Variants in MAST4 observed in about 807,000 individuals in gnomAD.
MAST4 encodes the protein microtubule associated serine/threonine kinase family member 4.
In MAST4, 89 loss-of-function variants were observed where a neutral mutation model predicts 162.7. The observed-to-expected ratio is 0.55, with a 90% CI of 0.46 to 0.65. The LOEUF is 0.65. Among genes scored for constraint, MAST4 ranks in the 30% least tolerant of loss-of-function variants. MAST4 has a pLI of 0.00. For missense variants in MAST4, 3,153 were observed against 3,374.0 expected (o/e 0.93, Z 1.62); for synonymous variants, 1,479 against 1,361.1 (o/e 1.09, Z -1.91).
chr5:66,761,115 T>C (rs1015845199), intron 2 of MAST4, among the ~76,000 whole-genome samples: 1 of 152,222 alleles, frequency 6.6e-6, no homozygotes, highest in Non-Finnish European at 1.5e-5. Context: ...TTTTCAGTGT[T>C]ACATAGATGT....
At chr5:66,934,361 T>A (rs1290722977) in intron 4 of MAST4, among the ~76,000 whole-genome samples, 1 of 152,152 alleles carries the variant, frequency 6.6e-6, no homozygotes, top group Non-Finnish European at 1.5e-5. Context: ...CTCACTTCAT[T>A]TGTGTATTAG....
rs749201523 is a variant in MAST4, at chr5:66,766,328, C to CTA, written c.517+6474_517+6475dup. Among the ~76,000 whole-genome samples, 15 of 152,152 alleles carry CTA rather than the reference C, an allele frequency of 9.9e-5. No individual in the cohort carries two copies. In the East Asian group the frequency reaches 2.5e-3, roughly 25 times the overall value. On this transcript the variant is annotated intron_variant, in intron 2 of 28. Coordinates refer to ENST00000403625, the MANE Select transcript of MAST4 (RefSeq NM_001164664.2). Reference sequence around the variant, plus strand: ...TGGAATGTAAAAGAAAGACAAAAATCTATATATATGTGTATAACATGCACA... The same window carrying CTA: ...TGGAATGTAAAAGAAAGACAAAAATCTATATATATATGTGTATAACATGCACA...
At chr5:67,011,382 T>A (rs961832783) in intron 4 of MAST4, among the ~76,000 whole-genome samples, 1 of 152,204 alleles carries the variant, frequency 6.6e-6, no homozygotes, top group Admixed American at 6.5e-5. Context: ...GCCTGTTTCG[T>A]AGTTGCTTCC....
intron 1 of MAST4, among the ~76,000 whole-genome samples, chr5:66,756,471 T>C (rs969643579): frequency 2.0e-5 from 3 of 152,132 alleles, no homozygotes; most frequent in African/African-American, 7.2e-5. Context: ...TCAGTGAAAG[T>C]TTCAAGACAG....
chr5:66,767,170 CGTGTGTGTGTGTGT>C (rs60766673), intron 2 of MAST4, among the ~76,000 whole-genome samples: 144 of 139,560 alleles, frequency 1.0e-3, no homozygotes, highest in Non-Finnish European at 1.7e-3. Flanking sequence ...GTAAAGTGCA[CGTGTGTGTGTGTGT>C]GTGTGTGTGT....
chr5:67,038,732 T>G (rs1422672772), intron 4 of MAST4, among the ~76,000 whole-genome samples: 1 of 152,226 alleles, frequency 6.6e-6, no homozygotes, highest in Admixed American at 6.5e-5. Flanking sequence ...CATGTGATTT[T>G]TTTTAAAAAA....
At chr5:66,822,880 T>C (rs945840531) in intron 3 of MAST4, among the ~76,000 whole-genome samples, 1 of 152,202 alleles carries the variant, frequency 6.6e-6, no homozygotes. Context: ...GCCCAAACTC[T>C]GGAGTCAACC....
intron 4 of MAST4, among the ~76,000 whole-genome samples, chr5:66,948,666 A>C (rs1433317750): frequency 6.6e-6 from 1 of 152,090 alleles, no homozygotes; most frequent in Non-Finnish European, 1.5e-5. Flanking sequence ...TGAGTAAAAC[A>C]TGGCAAGCTG....
At chr5:66,732,169 C>A (rs747548223) in intron 1 of MAST4, among the ~76,000 whole-genome samples, 1 of 152,038 alleles carries the variant, frequency 6.6e-6, no homozygotes, top group African/African-American at 2.4e-5. Context: ...TTTACAATGT[C>A]CGGTTTCCTA....
In MAST4 at chr5:67,165,020, C is replaced by T. The variant is rs138428386; in HGVS notation, c.5841C>T (p.Ser1947=). The T allele has an allele frequency of 1.4e-3, 2,273 of 1,613,182 alleles. 4 individuals are homozygous for T. Among genetic ancestry groups the T allele is most frequent in the Admixed American group, 1.8e-3 (108 of 59,898 alleles). Residue 1947 remains serine, a synonymous_variant, in exon 29 of 29, where the codon AGC becomes AGT. Transcript: ENST00000403625. ...CCTGCCTGGGGCAGAACCTCCACAG[C>T]CCTGACCTGGCCAGGCCACGCTGCC... ...LLTCLGQNLH[S]PDLARPRCPL... is the part of the protein sequence containing the mutation.
intron 4 of MAST4, among the ~76,000 whole-genome samples, chr5:66,933,291 G>A (rs1742367094): frequency 6.6e-6 from 1 of 152,132 alleles, no homozygotes. Context: ...TGACTCACTG[G>A]AAGTGAGATC....
At chr5:67,144,457 TACAC>T (rs57996757) in intron 21 of MAST4, among the ~76,000 whole-genome samples, 13,468 of 149,832 alleles carry the variant, frequency 0.09, 622 homozygotes, top group African/African-American at 0.13. Flanking sequence ...CGTATATATG[TACAC>T]ACACACACAC....
At chr5:67,002,724 C>T (rs1468800344) in intron 4 of MAST4, among the ~76,000 whole-genome samples, 1 of 152,050 alleles carries the variant, frequency 6.6e-6, no homozygotes, top group Non-Finnish European at 1.5e-5. Flanking sequence ...ACAGGTTGGT[C>T]CTATTATGGA....
intron 4 of MAST4, among the ~76,000 whole-genome samples, chr5:66,952,709 C>A (rs946762466): frequency 2.0e-5 from 3 of 152,158 alleles, no homozygotes; most frequent in Non-Finnish European, 4.4e-5. Context: ...ATTGAATGAG[C>A]CTGCCTTGTT....
chr5:67,098,129 G>A (rs1764657037), intron 7 of MAST4, among the ~76,000 whole-genome samples: 1 of 152,130 alleles, frequency 6.6e-6, no homozygotes, highest in Admixed American at 6.5e-5. Flanking sequence ...CAAGCATTTT[G>A]AAAATATAGT....
At chr5:66,740,561 T>C (rs1235427265) in intron 1 of MAST4, among the ~76,000 whole-genome samples, 1 of 152,220 alleles carries the variant, frequency 6.6e-6, no homozygotes, top group Non-Finnish European at 1.5e-5. Flanking sequence ...TCCTTTCTTC[T>C]CTCCCATCCA....
intron 3 of MAST4, among the ~76,000 whole-genome samples, chr5:66,855,314 C>T (rs1759599128): frequency 6.6e-6 from 1 of 152,192 alleles, no homozygotes; most frequent in African/African-American, 2.4e-5. Flanking sequence ...TCACCTTCCG[C>T]TATGATTAAA....
intron 16 of MAST4, among the ~76,000 whole-genome samples, chr5:67,132,413 G>GT (rs200060931): frequency 0.01 from 1,558 of 150,782 alleles, 32 homozygotes; most frequent in African/African-American, 0.035. Flanking sequence ...ATTTTTTTAA[G>GT]TTTTTTTTTC....
In MAST4 at chr5:66,662,021, A is replaced by G. The variant is rs138435919; in HGVS notation, c.363+65003A>G. 9.2e-5 allele frequency among the ~76,000 whole-genome samples: 14 copies of G among 152,292 alleles called. No homozygotes were observed. The East Asian group carries it at 1.7e-3, about 19-fold the overall frequency. ...GATACTTCTTTAGTGGTGATAATCA[A>G]AACAAGTAGGTTTGCCCTATACTGT... On this transcript the variant is annotated intron_variant, in intron 1 of 28. Coordinates refer to ENST00000403625, the MANE Select transcript of MAST4 (RefSeq NM_001164664.2).
Sources: gnomAD v4.1 joint callset for allele counts (sites outside exome capture counted in the v4.1 genomes callset) on GRCh38, gnomAD v4.1.1 for gene constraint, MANE v1.5 for transcripts, NCBI Gene and HGNC (gene_info 2026-07-23, HGNC 2026-07-21) for gene names.